MYO1E: variants seen among roughly 807,000 people sequenced by gnomAD.
The protein encoded by MYO1E is myosin IE.
A neutral mutation model predicts 151.1 loss-of-function variants in MYO1E; 68 were observed. The ratio of observed to expected loss-of-function variants is 0.45; its 90% CI spans 0.37 to 0.55. The LOEUF (loss-of-function observed/expected upper bound fraction) is 0.55, where lower values mean the gene tolerates loss of function less well. Among genes scored for constraint, MYO1E ranks in the 20% least tolerant of loss-of-function variants. The pLI is 0.00. For synonymous variants in MYO1E, 601 were observed against 501.7 expected, an observed-to-expected ratio of 1.20 and a Z score of -2.64; for missense variants, 1,363 against 1,389.3, an observed-to-expected ratio of 0.98 and a Z score of 0.30.
chr15:59,353,613 C>T (rs757582853), intron 1 of MYO1E, among the ~76,000 whole-genome samples: 7 of 151,494 alleles, frequency 4.6e-5, no homozygotes, highest in Non-Finnish European at 7.4e-5. Context: ...AAAAAATAGC[C>T]GGGTGTGGTG....
intron 22 of MYO1E, among the ~76,000 whole-genome samples, chr15:59,166,064 G>A (rs1241953523): frequency 1.3e-5 from 2 of 152,138 alleles, no homozygotes; most frequent in African/African-American, 4.8e-5. Context: ...AAAGCAAGCA[G>A]GCCAAAACTT....
intron 14 of MYO1E, chr15:59,207,063 C>G (rs1170967390): frequency 1.2e-6 from 2 of 1,614,190 alleles, no homozygotes; most frequent in Non-Finnish European, 8.5e-7. Context: ...TCAACGGCAC[C>G]TGGCTCTTCA....
At chr15:59,177,439 T>C (rs1248092536) in intron 19 of MYO1E, among the ~76,000 whole-genome samples, 1 of 152,116 alleles carries the variant, frequency 6.6e-6, no homozygotes, top group African/African-American at 2.4e-5. Flanking sequence ...CTGCCTGAAG[T>C]CAAATGCTTC....
chr15:59,337,812 A>G (rs2080738488), intron 1 of MYO1E, among the ~76,000 whole-genome samples: 1 of 152,150 alleles, frequency 6.6e-6, no homozygotes, highest in African/African-American at 2.4e-5. Flanking sequence ...AGCCTAGGCA[A>G]CAGAGCAAGA....
chr15:59,187,441 G>A (rs2079705201), intron 18 of MYO1E, among the ~76,000 whole-genome samples: 1 of 152,172 alleles, frequency 6.6e-6, no homozygotes, highest in African/African-American at 2.4e-5. Context: ...ATGTTGGCAA[G>A]GATTTAGATA....
intron 1 of MYO1E, among the ~76,000 whole-genome samples, chr15:59,290,511 C>T (rs1230348491): frequency 6.6e-6 from 1 of 152,176 alleles, no homozygotes; most frequent in Non-Finnish European, 1.5e-5. Flanking sequence ...TGCCTTGTCT[C>T]CTTGAAAGCA....
intron 26 of MYO1E, among the ~76,000 whole-genome samples, chr15:59,145,674 G>C (rs1004802028): frequency 6.6e-6 from 1 of 152,156 alleles, no homozygotes; most frequent in African/African-American, 2.4e-5. Flanking sequence ...TTACAGTCGT[G>C]AGCCACTGTG....
chr15:59,134,087 C>G lies in MYO1E; in HGVS notation c.*3293G>C, dbSNP rs1272651943. 6.6e-6 allele frequency: 1 copy of G among 152,274 alleles called. No individual in the cohort carries two copies. The highest frequency in any genetic ancestry group is 2.4e-5 in the African/African-American group (1 of 41,438). 9.4% of individuals were successfully genotyped at this position (152,274 alleles called of 1,614,324 possible). A position where few individuals can be genotyped will look rare whatever the true frequency, so the allele number is the denominator to read the frequency against. ...AGCTCTGTGCAGAGACCTCCAGCCC[C>G]CTTGAGTTGAGGCCACATGACTAAG... On this transcript the variant is annotated 3_prime_UTR_variant, in exon 28 of 28. Transcript: ENST00000288235.
At chr15:59,205,734 C>G (rs1396222399) in intron 14 of MYO1E, among the ~76,000 whole-genome samples, 2 of 152,184 alleles carry the variant, frequency 1.3e-5, no homozygotes, top group African/African-American at 4.8e-5. Context: ...TGATGAGTAT[C>G]TGGCTGCCTG....
At chr15:59,315,550 A>C (rs1038628658) in intron 1 of MYO1E, among the ~76,000 whole-genome samples, 1 of 112,440 alleles carries the variant, frequency 8.9e-6, no homozygotes, top group Non-Finnish European at 1.7e-5. Flanking sequence ...ACTAAAAATT[A>C]AAAAAAAAAA....
intron 1 of MYO1E, among the ~76,000 whole-genome samples, chr15:59,308,794 G>A (rs1295852233): frequency 2.0e-5 from 3 of 150,760 alleles, no homozygotes; most frequent in Non-Finnish European, 2.9e-5. Flanking sequence ...AGCGGTAATT[G>A]TGCCATTGCA....
chr15:59,246,843 A>T lies in MYO1E; in HGVS notation c.332+9441T>A, dbSNP rs538837104. ...ATCTTCACCTCTTGGTAAGAAATCA[A>T]AGCTAATGTGTCAATAAGGTCATGT... On this transcript the variant is annotated intron_variant, in intron 4 of 27. Coordinates refer to ENST00000288235, the MANE Select transcript of MYO1E (RefSeq NM_004998.4). 5.9e-5 allele frequency among the ~76,000 whole-genome samples: 9 copies of T among 152,310 alleles called. 1 individual carries two copies. In the South Asian group the frequency reaches 1.9e-3, roughly 32 times the overall value.
At chr15:59,252,106 TAAA>T (rs2080168377) in intron 4 of MYO1E, among the ~76,000 whole-genome samples, 1 of 152,106 alleles carries the variant, frequency 6.6e-6, no homozygotes. Context: ...ATCAAAGAAA[TAAA>T]AACTCTGAAA....
intron 1 of MYO1E, among the ~76,000 whole-genome samples, chr15:59,332,355 T>C (rs1298045113): frequency 1.3e-5 from 2 of 152,208 alleles, no homozygotes; most frequent in South Asian, 2.1e-4. Context: ...TGGGCTTTTG[T>C]ACAGCAACAC....
chr15:59,183,856 A>T (rs1241536931), intron 18 of MYO1E, among the ~76,000 whole-genome samples: 1 of 152,134 alleles, frequency 6.6e-6, no homozygotes, highest in Non-Finnish European at 1.5e-5. Context: ...AGCCTCTGGT[A>T]ACCATCATTT....
chr15:59,175,070 C>T (rs779444353), intron 19 of MYO1E, among the ~76,000 whole-genome samples: 5 of 152,150 alleles, frequency 3.3e-5, no homozygotes, highest in Non-Finnish European at 5.9e-5. Flanking sequence ...TCAACGCCTC[C>T]ACAGCTACAT....
chr15:59,268,720 A>ATTTTTTTTGTTTTTTTTTTT (rs2080271547), intron 2 of MYO1E, among the ~76,000 whole-genome samples: 3 of 44,916 alleles, frequency 6.7e-5, no homozygotes, highest in Non-Finnish European at 1.5e-4. Flanking sequence ...TGACTTTGGT[A>ATTTTTTTTGTTTTTTTTTTT]TTTTTTTTTT....
intron 9 of MYO1E, among the ~76,000 whole-genome samples, chr15:59,221,879 C>T (rs1488569826): frequency 2.0e-5 from 3 of 152,156 alleles, no homozygotes; most frequent in South Asian, 2.1e-4. Context: ...TCTACTTCAA[C>T]AGAAACTACC....
intron 1 of MYO1E, among the ~76,000 whole-genome samples, chr15:59,315,416 T>C (rs2080581935): frequency 6.6e-6 from 1 of 152,060 alleles, no homozygotes; most frequent in Non-Finnish European, 1.5e-5. Context: ...GGGAGAGTAT[T>C]AGGAAAAATA....
Sources: gnomAD v4.1 joint callset for allele counts (sites outside exome capture counted in the v4.1 genomes callset) on GRCh38, gnomAD v4.1.1 for gene constraint, MANE v1.5 for transcripts, NCBI Gene and HGNC (gene_info 2026-07-23, HGNC 2026-07-21) for gene names.